The following CD177 variants were observed in gnomAD, a reference collection of about 807,000 sequenced individuals.
CD177 encodes CD177 antigen.
Under a neutral mutation model 38.1 loss-of-function variants are expected in CD177, and 41 were observed. The observed-to-expected ratio is 1.07, with a 90% confidence interval of 0.84 to 1.39. The LOEUF is 1.39. Ranked by LOEUF, CD177 falls within the 40% of genes most tolerant of loss-of-function variation. The probability of loss-of-function intolerance (pLI) is 0.00; values close to 1 mark genes in which losing one functional copy is unlikely to be tolerated. For synonymous variants in CD177, 236 were observed against 216.7 expected, an observed-to-expected ratio of 1.09 and a Z score of -0.78; for missense variants, 619 against 523.8, an observed-to-expected ratio of 1.18 and a Z score of -1.77.
At chr19:43,359,812 G>A (rs1464254263) in intron 5 of CD177, among the ~76,000 whole-genome samples, 3 of 113,828 alleles carry the variant, frequency 2.6e-5, no homozygotes, top group Non-Finnish European at 3.5e-5. Flanking sequence ...AATGAGGTCA[G>A]CCAGGTGCAG....
In CD177 at chr19:43,355,794, G is replaced by A. The variant is rs1263176836; in HGVS notation, c.502+11G>A. 3 of 1,612,946 alleles carry A rather than the reference G, an allele frequency of 1.9e-6. No homozygotes were observed. Among genetic ancestry groups the A allele is most frequent in the Non-Finnish European group, 2.5e-6 (3 of 1,179,452 alleles). On this transcript the variant is annotated intron_variant, in intron 4 of 8. Coordinates refer to ENST00000618265, the MANE Select transcript of CD177 (RefSeq NM_020406.4). ...TCAGGCTCAGGGGAGGTAAGCCTGGGACATCGGGGTCCCTGTGGGGACTGA... is the reference window on the plus strand; with the variant it reads ...TCAGGCTCAGGGGAGGTAAGCCTGGAACATCGGGGTCCCTGTGGGGACTGA...
chr19:43,364,000 T>C (rs961361026), downstream of CD177, among the ~76,000 whole-genome samples: 4 of 152,160 alleles, frequency 2.6e-5, no homozygotes, highest in Admixed American at 6.5e-5. Flanking sequence ...CTCAGAAGGC[T>C]GAGTCCAGGA....
chr19:43,363,308 T>G (rs1213628767), downstream of CD177: 1 of 152,090 alleles, frequency 6.6e-6, no homozygotes, highest in Non-Finnish European at 1.5e-5. Context: ...CTGTTATCAT[T>G]GGGTCTCTCT....
At chr19:43,365,325 G>A (rs992335394), downstream of CD177, among the ~76,000 whole-genome samples, 4 of 124,940 alleles carry the variant, frequency 3.2e-5, no homozygotes, top group Non-Finnish European at 7.0e-5. Context: ...GGTAAGGTAT[G>A]TCGCCGTCCT....
chr19:43,354,775 G>C (rs540840796), intron 3 of CD177, among the ~76,000 whole-genome samples: 1 of 152,278 alleles, frequency 6.6e-6, no homozygotes, highest in Admixed American at 6.5e-5. Context: ...AGACTGAACT[G>C]TAACTTTCCA....
rs189174300 is a variant in CD177 at position 43,360,205 on chromosome 19, G to A, written c.620-60G>A. On this transcript the variant is annotated intron_variant, in intron 5 of 8. Coordinates refer to ENST00000618265, the MANE Select transcript of CD177 (RefSeq NM_020406.4). The stretch of plus-strand genomic sequence containing the variant: ...GTGATCACCTTCCCTAGCCCAGGAC[G>A]TGGAGGGACAGACATGGTGGGTTCC... 1.8e-4 allele frequency: 278 copies of A among 1,582,272 alleles called. 1 individual carries two copies. In the African/African-American group the frequency reaches 3.1e-3, roughly 18 times the overall value.
In CD177 at chr19:43,361,502, G is replaced by A. The variant is rs777418443; in HGVS notation, c.1004G>A (p.Cys335Tyr). ...CPTCVQPLGT[C>Y]SSGSPRMTCP... is the part of the protein sequence containing the mutation. ...ACCTGTGTGCAGCCCCTTGGAACCTGTTCAAGTGGCTCCCCCCGAATGACC... is the reference window on the plus strand; with the variant it reads ...ACCTGTGTGCAGCCCCTTGGAACCTATTCAAGTGGCTCCCCCCGAATGACC... The change falls in exon 8 of 9, where the codon TGT (cysteine) becomes TAT (tyrosine). Residue 335 changes from cysteine to tyrosine, a missense_variant. Transcript: ENST00000618265. The A allele has an allele frequency of 3.8e-6, 6 of 1,588,724 alleles. No individual in the cohort carries two copies. In the African/African-American group the frequency reaches 8.1e-5, roughly 22 times the overall value.
Position 43,362,329 on chromosome 19 carries a change from C to G in CD177, c.*9C>G, listed in dbSNP as rs1476473506. The G allele has an allele frequency of 2.3e-6, 3 of 1,332,744 alleles. No homozygotes were observed. The highest frequency in any genetic ancestry group is 3.2e-6 in the Non-Finnish European group (3 of 949,824). 82.6% of individuals were successfully genotyped at this position (1,332,744 alleles called of 1,614,324 possible). A position where few individuals can be genotyped will look rare whatever the true frequency, so the allele number is the denominator to read the frequency against. On this transcript the variant is annotated 3_prime_UTR_variant, in exon 9 of 9. Coordinates refer to ENST00000618265, the MANE Select transcript of CD177 (RefSeq NM_020406.4). The stretch of plus-strand genomic sequence containing the variant: ...TTTGCCCTTCCTGCTAACTCTATTA[C>G]CCCCACGATTCTTCACCGCTGCTGA...
chr19:43,360,045 CTG>C (rs1969937760), intron 5 of CD177, among the ~76,000 whole-genome samples: 2 of 151,884 alleles, frequency 1.3e-5, no homozygotes, highest in South Asian at 4.1e-4. Context: ...TCCCCCAGGG[CTG>C]TGAGAGGACG....
chr19:43,354,678 G>T lies in CD177; in HGVS notation c.379+286G>T, dbSNP rs145646505. 2.7e-3 allele frequency among the ~76,000 whole-genome samples: 405 copies of T among 152,174 alleles called. 5 individuals carry two copies. Among genetic ancestry groups the T allele is most frequent in the African/African-American group, 9.4e-3 (390 of 41,496 alleles). ...TTCTGATATGAAATCACCATTAACTGGGTTATCCTGCATTCTTTTTTTATT... is the reference window on the plus strand; with the variant it reads ...TTCTGATATGAAATCACCATTAACTTGGTTATCCTGCATTCTTTTTTTATT... On this transcript the variant is annotated intron_variant, in intron 3 of 8. Transcript: ENST00000618265.
chr19:43,364,705 G>A (rs200546463), downstream of CD177, among the ~76,000 whole-genome samples: 390 of 89,960 alleles, frequency 4.3e-3, 5 homozygotes, highest in African/African-American at 0.012. Flanking sequence ...CAAAGAGCAA[G>A]CATTCTCTCA....
intron 5 of CD177, 41 bp downstream of exon 5, chr19:43,356,149 G>C: frequency 2.1e-6 from 1 of 476,504 alleles, no homozygotes; most frequent in South Asian, 2.1e-5. Flanking sequence ...CTGCAGCCTC[G>C]GGGCACGATG....
At position 43,361,584 on chromosome 19, in the gene CD177, G is replaced by A. The variant is rs758944703; in HGVS notation, c.1081+5G>A. ...GGTACATTCATCTCTCAGGAGGTGA[G>A]TGCTGCAAGCAGGGCCCCAAGGATG... On this transcript the variant is annotated splice_donor_5th_base_variant and intron_variant, in intron 8 of 8. Transcript: ENST00000618265. 1.3e-5 allele frequency: 20 copies of A among 1,557,970 alleles called. No individual in the cohort carries two copies. The highest frequency in any genetic ancestry group is 1.7e-4 in the Middle Eastern group (1 of 5,980).
In CD177 at chr19:43,353,858, C is replaced by T. The variant is rs1969877808; in HGVS notation, c.58C>T (p.Gln20Ter). ...ATTTGCTCTTGCCACTCCAGGAGTG[C>T]AGGCGCTGCTCTGCCAGTTTGGGAC... ...LGFILPLPGV[Q>*]ALLCQFGTVQ... Residue 20 changes from glutamine (Q) to a stop codon, truncating the protein, a stop_gained, in exon 2 of 9, where the codon CAG becomes TAG. Transcript: ENST00000618265. LOFTEE classifies it high-confidence loss of function. 3 of 1,613,770 alleles carry T rather than the reference C, an allele frequency of 1.9e-6. No homozygotes were observed. Among genetic ancestry groups the T allele is most frequent in the Non-Finnish European group, 2.5e-6 (3 of 1,179,864 alleles).
At position 43,362,148 on chromosome 19, in the gene CD177, T is replaced by A. The variant is rs768188920; in HGVS notation, c.1142T>A (p.Leu381Ter). 1 of 1,613,806 alleles carries A rather than the reference T, an allele frequency of 6.2e-7. No individual in the cohort carries two copies. The highest frequency in any genetic ancestry group is 1.1e-5 in the South Asian group (1 of 91,084). Reference sequence around the variant, plus strand: ...GTGGCCCAACCTTCCAGCTTCTTGTTGAACCACACCAGACAAATCGGGATC... The same window carrying A: ...GTGGCCCAACCTTCCAGCTTCTTGTAGAACCACACCAGACAAATCGGGATC... The part of the protein sequence containing the change: ...GCVAQPSSFL[L>*]NHTRQIGIFS... Residue 381 changes from leucine to a stop codon, truncating the protein, a stop_gained, in exon 9 of 9, where the codon TTG becomes TAG. Transcript: ENST00000618265. LOFTEE classifies it low-confidence loss of function (END_TRUNC).
chr19:43,354,874 C>T lies in CD177; in HGVS notation c.379+482C>T, dbSNP rs560623762. Among the ~76,000 whole-genome samples the T allele has an allele frequency of 1.8e-4, 28 of 152,098 alleles. No individual in the cohort carries two copies. In the East Asian group the frequency reaches 5.4e-3, roughly 29 times the overall value. On this transcript the variant is annotated intron_variant, in intron 3 of 8. Transcript: ENST00000618265. ...CTTGTGAACACAGAAGTCTCCTGTTCTTGGAGGTTTAGTAGCGCTTGCAGG... is the reference window on the plus strand; with the variant it reads ...CTTGTGAACACAGAAGTCTCCTGTTTTTGGAGGTTTAGTAGCGCTTGCAGG...
chr19:43,362,531 T>C lies in CD177; in HGVS notation c.*211T>C, dbSNP rs764592672. On this transcript the variant is annotated 3_prime_UTR_variant, in exon 9 of 9. Transcript: ENST00000618265. ...ACTTGCCCTATGGGAGAGGGGACGC[T>C]GGAGGAGTGGCTGCATGTATCTGAT... 7 of 463,082 alleles carry C rather than the reference T, an allele frequency of 1.5e-5. No individual in the cohort carries two copies. Among genetic ancestry groups the C allele is most frequent in the Non-Finnish European group, 2.7e-5 (7 of 261,520 alleles). The allele number at this position is 463,082 out of a possible 1,614,324, so 28.7% of individuals were successfully genotyped here. A position where few individuals can be genotyped will look rare whatever the true frequency, so the allele number is the denominator to read the frequency against.
chr19:43,354,003 C>G lies in CD177; in HGVS notation c.193+10C>G. 1 of 1,612,394 alleles carries G rather than the reference C, an allele frequency of 6.2e-7. No individual in the cohort carries two copies. Among genetic ancestry groups the G allele is most frequent in the Non-Finnish European group, 8.5e-7 (1 of 1,179,236 alleles). On this transcript the variant is annotated intron_variant, in intron 2 of 8. Coordinates refer to ENST00000618265, the MANE Select transcript of CD177 (RefSeq NM_020406.4). ...ATGCTCATTGAGAGCGGTGAGAAGG[C>G]CCTGGCGTGCAGAGACCCCGCCCTG...
At chr19:43,354,054 C>A in intron 2 of CD177, 61 bp downstream of exon 2, 1 of 1,583,162 alleles carries the variant, frequency 6.3e-7, no homozygotes. Context: ...GATCCCTGTG[C>A]AGGGACCCGG....
Sources: allele counts gnomAD v4.1 joint callset (sites outside exome capture counted in the v4.1 genomes callset), GRCh38; gene constraint gnomAD v4.1.1; transcripts MANE v1.5; gene names NCBI Gene and HGNC (gene_info 2026-07-23, HGNC 2026-07-21).